The following HS6ST3 variants were observed in gnomAD, a reference collection of about 807,000 sequenced individuals.
The protein encoded by HS6ST3 is heparan-sulfate 6-O-sulfotransferase 3.
In HS6ST3, 12 loss-of-function variants were observed where a neutral mutation model predicts 36.7. The ratio of observed to expected loss-of-function variants is 0.33; its 90% confidence interval spans 0.21 to 0.53. HS6ST3 has a LOEUF of 0.53. Among genes scored for constraint, HS6ST3 ranks in the 20% least tolerant of loss-of-function variants. The probability of loss-of-function intolerance (pLI) is 0.95; values close to 1 mark genes in which losing one functional copy is unlikely to be tolerated. For missense variants in HS6ST3, 584 were observed against 640.9 expected, an observed-to-expected ratio of 0.91 and a Z score of 0.96; for synonymous variants, 240 against 257.5, an observed-to-expected ratio of 0.93 and a Z score of 0.65.
intron 1 of HS6ST3, among the ~76,000 whole-genome samples, chr13:96,748,715 C>T (rs1449525155): frequency 1.3e-5 from 2 of 151,954 alleles, no homozygotes; most frequent in Non-Finnish European, 2.9e-5. Flanking sequence ...CACTTGAGTC[C>T]CTAAATGAGT....
chr13:96,245,194 G>A (rs1289147450), intron 1 of HS6ST3, among the ~76,000 whole-genome samples: 1 of 152,078 alleles, frequency 6.6e-6, no homozygotes, highest in East Asian at 1.9e-4. Context: ...ACTCTCCTTA[G>A]AGCTGGTCCC....
At chr13:96,330,307 G>T (rs1382020138) in intron 1 of HS6ST3, among the ~76,000 whole-genome samples, 7 of 152,048 alleles carry the variant, frequency 4.6e-5, no homozygotes, top group Non-Finnish European at 8.8e-5. Context: ...GCATGAGTTT[G>T]CAGCGGCCGG....
intron 1 of HS6ST3, among the ~76,000 whole-genome samples, chr13:96,656,733 A>G (rs1367384943): frequency 6.6e-6 from 1 of 152,128 alleles, no homozygotes. Context: ...GAATCCTTCA[A>G]TGAATTGGCT....
At chr13:96,147,581 G>T (rs2054064436) in intron 1 of HS6ST3, among the ~76,000 whole-genome samples, 3 of 152,126 alleles carry the variant, frequency 2.0e-5, no homozygotes. Context: ...AAGTACTCTG[G>T]TTTCCCTCCA....
intron 1 of HS6ST3, among the ~76,000 whole-genome samples, chr13:96,228,149 A>T (rs1256399358): frequency 6.6e-6 from 1 of 152,230 alleles, no homozygotes; most frequent in Admixed American, 6.5e-5. Context: ...TGTTGTTATG[A>T]TGTGAAACCA....
intron 1 of HS6ST3, among the ~76,000 whole-genome samples, chr13:96,495,933 CA>C (rs1213202336): frequency 5.9e-5 from 9 of 152,342 alleles, no homozygotes; most frequent in African/African-American, 2.2e-4. Flanking sequence ...CCACGCAAGA[CA>C]GGCGTGAGCA....
chr13:96,249,446 G>GGAGT (rs1161781401), intron 1 of HS6ST3, among the ~76,000 whole-genome samples: 1 of 152,136 alleles, frequency 6.6e-6, no homozygotes, highest in Non-Finnish European at 1.5e-5. Context: ...GGAGAGAAAT[G>GGAGT]GAGTAGGAGG....
intron 1 of HS6ST3, among the ~76,000 whole-genome samples, chr13:96,331,042 T>G (rs1179746741): frequency 2.6e-5 from 4 of 152,184 alleles, no homozygotes; most frequent in Admixed American, 2.6e-4. Flanking sequence ...ATCAGCTCCT[T>G]TAAGCACTTC....
At chr13:96,655,602 C>G (rs578188047) in intron 1 of HS6ST3, among the ~76,000 whole-genome samples, 122 of 152,062 alleles carry the variant, frequency 8.0e-4, no homozygotes, top group Admixed American at 1.6e-3. Flanking sequence ...CTATAATGAG[C>G]CATCTCTAGG....
chr13:96,188,774 GTTA>G (rs1357143741), intron 1 of HS6ST3, among the ~76,000 whole-genome samples: 13 of 152,046 alleles, frequency 8.6e-5, no homozygotes, highest in Non-Finnish European at 1.9e-4. Flanking sequence ...ATGTGTAATT[GTTA>G]TTATTATCAG....
At position 96,163,598 on chromosome 13, in the gene HS6ST3, T is replaced by G. The variant is rs2054147727; in HGVS notation, c.707+72029T>G. 3.9e-5 allele frequency among the ~76,000 whole-genome samples: 6 copies of G among 152,190 alleles called. No individual in the cohort carries two copies. In the South Asian group the frequency reaches 1.2e-3, roughly 32 times the overall value. ...CTTTGGTGCCTGTCCAGGTGGTATG[T>G]TGAACTATAGTGCTCTGTGAAGAAA... On this transcript the variant is annotated intron_variant, in intron 1 of 1. Coordinates refer to ENST00000376705, the MANE Select transcript of HS6ST3 (RefSeq NM_153456.4).
At chr13:96,781,107 C>T (rs762014031) in intron 1 of HS6ST3, among the ~76,000 whole-genome samples, 37 of 152,324 alleles carry the variant, frequency 2.4e-4, no homozygotes, top group Admixed American at 1.0e-3. Flanking sequence ...ATTCTTCCAT[C>T]TCTCCAATTC....
intron 1 of HS6ST3, among the ~76,000 whole-genome samples, chr13:96,651,534 C>G (rs1007504921): frequency 6.6e-6 from 1 of 152,030 alleles, no homozygotes; most frequent in African/African-American, 2.4e-5. Context: ...GCATGCTGTA[C>G]CCTCCTCATC....
At chr13:96,107,031 AG>A (rs1376636677) in intron 1 of HS6ST3, among the ~76,000 whole-genome samples, 1 of 152,152 alleles carries the variant, frequency 6.6e-6, no homozygotes, top group African/African-American at 2.4e-5. Flanking sequence ...CCAGCACTGG[AG>A]TTTTACCCAG....
intron 1 of HS6ST3, among the ~76,000 whole-genome samples, chr13:96,279,952 T>TA (rs1566310178): frequency 6.6e-6 from 1 of 152,318 alleles, no homozygotes; most frequent in African/African-American, 2.4e-5. Flanking sequence ...TCATTTTGTA[T>TA]AAAAAATGGC....
chr13:96,548,771 G>A (rs879432205), intron 1 of HS6ST3, among the ~76,000 whole-genome samples: 14 of 152,194 alleles, frequency 9.2e-5, no homozygotes, highest in Non-Finnish European at 1.9e-4. Flanking sequence ...TCAGACAGGC[G>A]AATTGTCTGT....
intron 1 of HS6ST3, among the ~76,000 whole-genome samples, chr13:96,262,029 A>G (rs2054668915): frequency 6.6e-6 from 1 of 152,170 alleles, no homozygotes; most frequent in Non-Finnish European, 1.5e-5. Flanking sequence ...TTACCATGAC[A>G]GTGAGATGAT....
At chr13:96,414,489 C>CT (rs1336544594) in intron 1 of HS6ST3, among the ~76,000 whole-genome samples, 2 of 151,998 alleles carry the variant, frequency 1.3e-5, no homozygotes, top group Admixed American at 6.6e-5. Context: ...TTCTTTCTTT[C>CT]TTTTTTTTGT....
intron 1 of HS6ST3, among the ~76,000 whole-genome samples, chr13:96,727,379 TATG>T (rs921725088): frequency 5.3e-5 from 8 of 152,056 alleles, no homozygotes; most frequent in Non-Finnish European, 1.2e-4. Flanking sequence ...CATTAGTTCT[TATG>T]ATGATCACTA....
Sources: gnomAD v4.1 joint callset for allele counts (sites outside exome capture counted in the v4.1 genomes callset) on GRCh38, gnomAD v4.1.1 for gene constraint, MANE v1.5 for transcripts, NCBI Gene and HGNC (gene_info 2026-07-23, HGNC 2026-07-21) for gene names.